The following CDK17 variants were observed in gnomAD, a reference collection of about 807,000 sequenced individuals.
CDK17 encodes cyclin dependent kinase 17.
CDK17 carries 24 observed loss-of-function variants against 77.6 expected under a neutral mutation model. The ratio of observed to expected loss-of-function variants is 0.31; its 90% CI spans 0.22 to 0.44. The LOEUF is 0.44. Ranked by LOEUF, CDK17 falls within the 20% of genes least tolerant of loss-of-function variation. CDK17 has a pLI of 1.00. For missense variants in CDK17, 429 were observed against 622.5 expected (o/e 0.69, Z 3.31); for synonymous variants, 203 against 210.4 (o/e 0.96, Z 0.30).
chr12:96,293,018 T>C (rs1952347170), intron 10 of CDK17, among the ~76,000 whole-genome samples: 1 of 152,238 alleles, frequency 6.6e-6, no homozygotes, highest in East Asian at 1.9e-4. Flanking sequence ...CTTTTATTTT[T>C]GTGGATATAT....
At chr12:96,308,404 T>C (rs1309606717) in intron 5 of CDK17, among the ~76,000 whole-genome samples, 1 of 151,718 alleles carries the variant, frequency 6.6e-6, no homozygotes, top group African/African-American at 2.4e-5. Context: ...GAGTGAGACC[T>C]TGTCTCTAAA....
intron 1 of CDK17, among the ~76,000 whole-genome samples, chr12:96,389,438 T>TCAAC (rs1954032375): frequency 1.3e-5 from 2 of 152,310 alleles, no homozygotes; most frequent in Non-Finnish European, 2.9e-5. Flanking sequence ...AATAAATGTT[T>TCAAC]CAACCATTTT....
intron 8 of CDK17, 96 bp downstream of exon 8, chr12:96,297,531 C>T (rs972240679): frequency 2.2e-6 from 2 of 899,424 alleles, no homozygotes; most frequent in Admixed American, 2.2e-5. Flanking sequence ...CTAAGCACAG[C>T]TGCAGTTTAA....
chr12:96,363,595 C>G (rs1388789085), intron 1 of CDK17, among the ~76,000 whole-genome samples: 1 of 152,056 alleles, frequency 6.6e-6, no homozygotes, highest in African/African-American at 2.4e-5. Flanking sequence ...TGCCTGTAAT[C>G]CCAGCACTTT....
At chr12:96,353,917 A>C (rs1336517420) in intron 1 of CDK17, among the ~76,000 whole-genome samples, 1 of 152,206 alleles carries the variant, frequency 6.6e-6, no homozygotes, top group African/African-American at 2.4e-5. Flanking sequence ...TCAGAAAAAA[A>C]GTCAATGTTT....
chr12:96,376,055 C>G (rs1953777087), intron 1 of CDK17, among the ~76,000 whole-genome samples: 2 of 152,164 alleles, frequency 1.3e-5, no homozygotes. Flanking sequence ...CTGAAACTGT[C>G]TACACCAAGT....
intron 1 of CDK17, among the ~76,000 whole-genome samples, chr12:96,363,437 A>C (rs1001802836): frequency 1.4e-4 from 17 of 125,370 alleles, no homozygotes; most frequent in Non-Finnish European, 2.3e-4. Context: ...GCAACAGAGC[A>C]AGACTTCGTC....
At chr12:96,377,956 G>A (rs1953813568) in intron 1 of CDK17, among the ~76,000 whole-genome samples, 1 of 152,214 alleles carries the variant, frequency 6.6e-6, no homozygotes, top group Non-Finnish European at 1.5e-5. Context: ...GCCTCCCAAA[G>A]TGCTGGGATT....
intron 1 of CDK17, among the ~76,000 whole-genome samples, chr12:96,379,415 A>G (rs1953838952): frequency 6.6e-6 from 1 of 151,936 alleles, no homozygotes; most frequent in Non-Finnish European, 1.5e-5. Flanking sequence ...TATCATTTCT[A>G]TATTTTTTAA....
At chr12:96,391,579 C>G (rs1453179229) in intron 1 of CDK17, among the ~76,000 whole-genome samples, 5 of 152,184 alleles carry the variant, frequency 3.3e-5, no homozygotes, top group African/African-American at 1.2e-4. Flanking sequence ...GCGTGAGCCA[C>G]CGCGGCAGGC....
rs866714722 is a variant in CDK17 at position 96,320,341 on chromosome 12, A to T, written c.283+3607T>A. ...ACAAATGGAAGAACATTCCATGCTC[A>T]TGGGTAGGAAGAATCAATATCGTGA... On this transcript the variant is annotated intron_variant, in intron 3 of 16. Coordinates refer to ENST00000261211, the MANE Select transcript of CDK17 (RefSeq NM_002595.5). 4.8e-3 allele frequency among the ~76,000 whole-genome samples: 697 copies of T among 145,526 alleles called. 5 individuals are homozygous for T. Among genetic ancestry groups the T allele is most frequent in the Middle Eastern group, 6.8e-3 (2 of 292 alleles).
chr12:96,300,212 T>C, intron 6 of CDK17, 92 bp downstream of exon 6: 2 of 865,222 alleles, frequency 2.3e-6, no homozygotes, highest in Non-Finnish European at 3.8e-6. Context: ...AGTACTTACG[T>C]TTTTTCCAGG....
At chr12:96,331,622 G>C (rs1952968747) in intron 2 of CDK17, among the ~76,000 whole-genome samples, 1 of 152,092 alleles carries the variant, frequency 6.6e-6, no homozygotes, top group Non-Finnish European at 1.5e-5. Flanking sequence ...ATATGACTCA[G>C]TTATCAAAAT....
chr12:96,340,731 G>T (rs1384536226), intron 1 of CDK17, among the ~76,000 whole-genome samples: 1 of 152,034 alleles, frequency 6.6e-6, no homozygotes, highest in East Asian at 1.9e-4. Context: ...ACTATAATAG[G>T]GCAGTGCTAA....
At chr12:96,385,146 T>C (rs2137234584) in intron 1 of CDK17, among the ~76,000 whole-genome samples, 1 of 151,968 alleles carries the variant, frequency 6.6e-6, no homozygotes, top group Middle Eastern at 3.4e-3. Context: ...ACCCCGTCTC[T>C]ACTAAAAATA....
At chr12:96,371,126 C>CTAT in intron 1 of CDK17, among the ~76,000 whole-genome samples, 1 of 147,092 alleles carries the variant, frequency 6.8e-6, no homozygotes, top group East Asian at 2.1e-4. Flanking sequence ...GCCCCCACTG[C>CTAT]ATCACTCATA....
intron 1 of CDK17, among the ~76,000 whole-genome samples, chr12:96,375,337 T>C (rs1228170836): frequency 6.6e-6 from 1 of 152,050 alleles, no homozygotes; most frequent in Non-Finnish European, 1.5e-5. Context: ...GCCACTCCTC[T>C]GCAGATTTAT....
At chr12:96,376,147 A>G (rs1953778578) in intron 1 of CDK17, among the ~76,000 whole-genome samples, 1 of 152,346 alleles carries the variant, frequency 6.6e-6, no homozygotes, top group South Asian at 2.1e-4. Context: ...GCTCAGGCAG[A>G]TAAGAGCTAC....
intron 1 of CDK17, among the ~76,000 whole-genome samples, chr12:96,362,619 T>G (rs1311635254): frequency 6.6e-6 from 1 of 152,208 alleles, no homozygotes; most frequent in Non-Finnish European, 1.5e-5. Context: ...CACCCAACAG[T>G]AAATATTTTA....
Sources: gnomAD v4.1 joint callset for allele counts (sites outside exome capture counted in the v4.1 genomes callset) on GRCh38, gnomAD v4.1.1 for gene constraint, MANE v1.5 for transcripts, NCBI Gene and HGNC (gene_info 2026-07-23, HGNC 2026-07-21) for gene names.